FMN2: variants seen among roughly 807,000 people sequenced by gnomAD.
The protein encoded by FMN2 is formin 2.
Under a neutral mutation model 142.3 loss-of-function variants are expected in FMN2, and 51 were observed. The ratio of observed to expected loss-of-function variants is 0.36; its 90% confidence interval spans 0.29 to 0.45. The LOEUF is 0.45. Among genes scored for constraint, FMN2 ranks in the 20% least tolerant of loss-of-function variants. The probability of loss-of-function intolerance (pLI) is 1.00; values close to 1 mark genes in which losing one functional copy is unlikely to be tolerated. For synonymous variants in FMN2, 882 were observed against 869.8 expected (o/e 1.01, Z -0.25); for missense variants, 1,936 against 2,122.8 (o/e 0.91, Z 1.73).
chr1:240,110,920 G>T (rs900425782), intron 1 of FMN2, among the ~76,000 whole-genome samples: 1 of 152,054 alleles, frequency 6.6e-6, no homozygotes, highest in African/African-American at 2.4e-5. Flanking sequence ...AAACTTGGTG[G>T]ATGAAGATAT....
chr1:240,465,957 C>T (rs1327355548), intron 16 of FMN2, among the ~76,000 whole-genome samples: 2 of 152,090 alleles, frequency 1.3e-5, no homozygotes, highest in African/African-American at 4.8e-5. Flanking sequence ...TATATGTTTG[C>T]CTGACAATAA....
At position 240,207,685 on chromosome 1, in the gene FMN2, C is replaced by A. The variant is rs111896385; in HGVS notation, c.2873C>A (p.Pro958His). ...GGAGCGGCAATACCCCCTCCGCCCC[C>A]TCTTCCCGGGGCAGGCATACCCCTT... ...LPGAAIPPPP[P>H]LPGAGIPLPP... The change falls in exon 5 of 18, where the codon CCT becomes CAT. Residue 958 changes from proline to histidine, a missense_variant. Physicochemically the swap from Pro to His is moderately conservative, Grantham distance 77. This residue lies in a region of FMN2 where 63 missense variants were observed against 86.3 expected (regional missense o/e 0.73). Transcript: ENST00000319653. The A allele has an allele frequency of 2.5e-6, 3 of 1,223,244 alleles. No individual in the cohort carries two copies. Among genetic ancestry groups the A allele is most frequent in the East Asian group, 5.6e-5 (2 of 35,914 alleles). The allele number at this position is 1,223,244 out of a possible 1,614,324, so 75.8% of individuals were successfully genotyped here.
At chr1:240,213,517 C>T (rs1396453134) in intron 6 of FMN2, among the ~76,000 whole-genome samples, 1 of 152,062 alleles carries the variant, frequency 6.6e-6, no homozygotes, top group East Asian at 1.9e-4. Flanking sequence ...CTGTCCATTC[C>T]ATTTACTTGA....
intron 1 of FMN2, among the ~76,000 whole-genome samples, chr1:240,096,264 G>T (rs1439005441): frequency 6.6e-6 from 1 of 152,190 alleles, no homozygotes; most frequent in Non-Finnish European, 1.5e-5. Context: ...AATGTGATCA[G>T]ATTTAGGGCC....
At chr1:240,129,074 A>T (rs1662631218) in intron 2 of FMN2, among the ~76,000 whole-genome samples, 1 of 152,010 alleles carries the variant, frequency 6.6e-6, no homozygotes, top group African/African-American at 2.4e-5. Context: ...AGGTTTTACC[A>T]TGTTGGCCAC....
intron 7 of FMN2, chr1:240,285,317 C>G (rs1028601393): frequency 2.6e-5 from 12 of 454,904 alleles, no homozygotes; most frequent in Admixed American, 1.6e-4. Context: ...GAACACCAAG[C>G]AGATGGAGGC....
At chr1:240,461,849 A>G (rs902460421) in intron 16 of FMN2, among the ~76,000 whole-genome samples, 7 of 152,194 alleles carry the variant, frequency 4.6e-5, no homozygotes, top group Non-Finnish European at 8.8e-5. Flanking sequence ...GATGGTGCAC[A>G]TGATATGCCC....
chr1:240,256,601 A>AC (rs1668458417), intron 6 of FMN2, among the ~76,000 whole-genome samples: 1 of 151,296 alleles, frequency 6.6e-6, no homozygotes, highest in Non-Finnish European at 1.5e-5. Flanking sequence ...AAAAAAAAAA[A>AC]ATAGCTGGGC....
intron 3 of FMN2, among the ~76,000 whole-genome samples, chr1:240,182,789 G>T (rs975445972): frequency 6.6e-6 from 1 of 152,110 alleles, no homozygotes; most frequent in Non-Finnish European, 1.5e-5. Context: ...GTCTTCCTCA[G>T]TGTCCATGAG....
chr1:240,222,063 T>C (rs1213509322), intron 6 of FMN2, among the ~76,000 whole-genome samples: 1 of 150,674 alleles, frequency 6.6e-6, no homozygotes, highest in African/African-American at 2.4e-5. Context: ...TTCACTATGA[T>C]GGCCAGGCTG....
Position 240,461,526 on chromosome 1 carries a change from G to T in FMN2, c.5061-10846G>T, listed in dbSNP as rs997386845. On this transcript the variant is annotated intron_variant, in intron 16 of 17. Transcript: ENST00000319653. ...TTACATCTTTTAAGATGCTTCTTCT[G>T]TGGGTGCTCTCTAAAGGGAAATGGA... is the stretch of plus-strand genomic sequence containing the variant. Among the ~76,000 whole-genome samples, 4 of 152,278 alleles carry T rather than the reference G, an allele frequency of 2.6e-5. No homozygotes were observed. The South Asian group carries it at 8.3e-4, about 32-fold the overall frequency.
chr1:240,093,584 G>A lies in FMN2; in HGVS notation c.1475G>A (p.Arg492His). The A allele has an allele frequency of 1.4e-6, 2 of 1,447,378 alleles. No individual in the cohort carries two copies. Among genetic ancestry groups the A allele is most frequent in the Non-Finnish European group, 1.8e-6 (2 of 1,110,338 alleles). The allele number at this position is 1,447,378 out of a possible 1,614,324, so 89.7% of individuals were successfully genotyped here. A position where few individuals can be genotyped will look rare whatever the true frequency, so the allele number is the denominator to read the frequency against. The change falls in exon 1 of 18, where the codon CGC becomes CAC. Residue 492 changes from arginine (R) to histidine (H), a missense_variant. Arg to His is a conservative substitution (Grantham distance 29). Coordinates refer to ENST00000319653, the MANE Select transcript of FMN2 (RefSeq NM_020066.5). ...SADWTEELGA[R>H]TPRVGGSAHL... is the part of the protein sequence containing the mutation. ...GACTGGACGGAGGAGCTAGGCGCCC[G>A]CACGCCCCGGGTGGGAGGCTCCGCG... is the stretch of plus-strand genomic sequence containing the variant.
At chr1:240,363,052 T>C (rs1370212875) in intron 14 of FMN2, among the ~76,000 whole-genome samples, 1 of 152,224 alleles carries the variant, frequency 6.6e-6, no homozygotes. Context: ...ATACAGTCTG[T>C]AGTATTGGTA....
intron 16 of FMN2, among the ~76,000 whole-genome samples, chr1:240,439,795 G>T (rs1215075639): frequency 6.7e-6 from 1 of 149,614 alleles, no homozygotes; most frequent in Admixed American, 6.7e-5. Flanking sequence ...CCAAAAACAG[G>T]CTTGCTCAGT....
Position 240,184,299 on chromosome 1 carries a change from C to G in FMN2, c.1931-3908C>G, listed in dbSNP as rs1394469384. ...TCGCCCAGGCTGGAGTGCAGTGGCGCGATCTCGGCTCACTGCAAGCTCCGC... is the reference window on the plus strand; with the variant it reads ...TCGCCCAGGCTGGAGTGCAGTGGCGGGATCTCGGCTCACTGCAAGCTCCGC... On this transcript the variant is annotated intron_variant, in intron 3 of 17. Transcript: ENST00000319653. Among the ~76,000 whole-genome samples, 3 of 126,370 alleles carry G rather than the reference C, an allele frequency of 2.4e-5. No homozygotes were observed. The Admixed American group carries it at 3.0e-4, about 13-fold the overall frequency. The allele number at this position is 126,370 out of a possible 152,430, so 82.9% of individuals were successfully genotyped here. A position where few individuals can be genotyped will look rare whatever the true frequency, so the allele number is the denominator to read the frequency against.
chr1:240,095,727 G>A (rs1034658277), intron 1 of FMN2, among the ~76,000 whole-genome samples: 4 of 152,014 alleles, frequency 2.6e-5, no homozygotes, highest in Non-Finnish European at 4.4e-5. Flanking sequence ...TAGGTTGAAT[G>A]TTTGTTTTCC....
At chr1:240,390,410 C>T (rs1033524510) in intron 14 of FMN2, among the ~76,000 whole-genome samples, 2 of 152,150 alleles carry the variant, frequency 1.3e-5, no homozygotes, top group African/African-American at 4.8e-5. Context: ...TTCGGCCAAA[C>T]TTGCTCACGC....
chr1:240,142,945 C>G, intron 2 of FMN2: 1 of 1,605,242 alleles, frequency 6.2e-7, no homozygotes, highest in Non-Finnish European at 8.5e-7. Flanking sequence ...CCATACAATA[C>G]ATAGTGTGAT....
chr1:240,328,138 A>AC lies in FMN2; in HGVS notation c.4216-934dup, dbSNP rs568764663. Among the ~76,000 whole-genome samples, 875 of 123,858 alleles carry AC rather than the reference A, an allele frequency of 7.1e-3. 12 individuals carry two copies. The highest frequency in any genetic ancestry group is 0.027 in the African/African-American group (824 of 30,494). The allele number at this position is 123,858 out of a possible 152,430, so 81.3% of individuals were successfully genotyped here. A position where few individuals can be genotyped will look rare whatever the true frequency, so the allele number is the denominator to read the frequency against. On this transcript the variant is annotated intron_variant, in intron 8 of 17. Coordinates refer to ENST00000319653, the MANE Select transcript of FMN2 (RefSeq NM_020066.5). ...ACTCCCACCTGGGTGACGGAGCAAGACCCCATCTCAAAAAAAAAAAAAAAA... is the reference window on the plus strand; with the variant it reads ...ACTCCCACCTGGGTGACGGAGCAAGACCCCCATCTCAAAAAAAAAAAAAAAA...
Sources: allele counts gnomAD v4.1 joint callset (sites outside exome capture counted in the v4.1 genomes callset), GRCh38; gene constraint gnomAD v4.1.1; regional missense constraint gnomAD v4.1.1; transcripts MANE v1.5; gene names NCBI Gene and HGNC (gene_info 2026-07-23, HGNC 2026-07-21).